RAB11FIP5: variants seen among roughly 807,000 people sequenced by gnomAD.
RAB11FIP5 encodes the protein rab11 family-interacting protein 5.
Under a neutral mutation model 85.1 loss-of-function variants are expected in RAB11FIP5, and 48 were observed. The observed-to-expected ratio is 0.56, with a 90% CI of 0.45 to 0.72. RAB11FIP5 has a LOEUF of 0.72. Ranked by LOEUF, RAB11FIP5 falls within the 30% of genes least tolerant of loss-of-function variation. RAB11FIP5 has a pLI of 0.00. For missense variants in RAB11FIP5, 1,491 were observed against 1,687.0 expected, an observed-to-expected ratio of 0.88 and a Z score of 2.04; for synonymous variants, 729 against 727.3, an observed-to-expected ratio of 1.00 and a Z score of -0.04.
chr2:73,089,912 CACA>C lies in RAB11FIP5; in HGVS notation c.432-600_432-598del, dbSNP rs1684176784. On this transcript the variant is annotated intron_variant, in intron 1 of 5. Coordinates refer to ENST00000486777, the MANE Select transcript of RAB11FIP5 (RefSeq NM_001371272.1). The surrounding 1 kb of genome is among the most constrained non-coding windows in gnomAD (Gnocchi z 4.6). ...ACACACACACACACACACACACACA[CACA>C]CCTCACTCACACACTGACTCACCCC... Among the ~76,000 whole-genome samples the C allele has an allele frequency of 1.4e-5, 2 of 142,722 alleles. No individual in the cohort carries two copies. The highest frequency in any genetic ancestry group is 1.5e-5 in the Non-Finnish European group (1 of 66,322). 93.6% of individuals were successfully genotyped at this position (142,722 alleles called of 152,430 possible).
intron 1 of RAB11FIP5, among the ~76,000 whole-genome samples, chr2:73,105,710 C>T (rs752702674): frequency 6.6e-6 from 1 of 151,724 alleles, no homozygotes; most frequent in Non-Finnish European, 1.5e-5. Flanking sequence ...CTACAGAGCA[C>T]CAGATTAACC....
chr2:73,101,920 C>G (rs1684437776), intron 1 of RAB11FIP5, among the ~76,000 whole-genome samples: 1 of 152,220 alleles, frequency 6.6e-6, no homozygotes, highest in Non-Finnish European at 1.5e-5. Flanking sequence ...TTGCCAGGAA[C>G]AAGAACGGAG....
In RAB11FIP5 at chr2:73,088,455, G is replaced by A; in HGVS notation, c.1163C>T (p.Pro388Leu). The A allele has an allele frequency of 6.2e-7, 1 of 1,613,886 alleles. No homozygotes were observed. Among genetic ancestry groups the A allele is most frequent in the South Asian group, 1.1e-5 (1 of 91,080 alleles). ...GCTGCTGTTGCTACGACTGCCTCTG[G>A]GCCAGGTGTCATCTGTGGAACGAGG... ...EGPRSTDDTW[P>L]RGSRSNSSSE... The change falls in exon 3 of 6, where the codon CCC becomes CTC. Residue 388 changes from proline (P) to leucine (L), a missense_variant. Around this residue, in one of 3 missense-constraint regions of RAB11FIP5, gnomAD observed 1,211 missense variants for 1,338.0 expected, o/e 0.91. Transcript: ENST00000486777.
rs764014080 is a variant in RAB11FIP5, at chr2:73,079,814, G to C, written c.3418C>G (p.Pro1140Ala). 41 of 1,232,260 alleles carry C rather than the reference G, an allele frequency of 3.3e-5. No homozygotes were observed. Among genetic ancestry groups the C allele is most frequent in the Admixed American group, 4.2e-5 (1 of 23,708 alleles). 76.3% of individuals were successfully genotyped at this position (1,232,260 alleles called of 1,614,324 possible). The change falls in exon 4 of 6, where the codon CCA (proline) becomes GCA (alanine). Residue 1140 changes from proline (P) to alanine (A), a missense_variant. By Grantham distance (27) the Pro-to-Ala change is conservative. Coordinates refer to ENST00000486777, the MANE Select transcript of RAB11FIP5 (RefSeq NM_001371272.1). The stretch of plus-strand genomic sequence containing the variant: ...GGGAGTAAGGCTGGCTCCCCTGGTG[G>C]TGCAGAGGAGGTAGTCAGGGGCCAG... Reference protein sequence around the residue: ...EAWPLTTSSAPPGEPALLPGP... With the variant: ...EAWPLTTSSAAPGEPALLPGP...
At chr2:73,110,359 C>T (rs565497207) in intron 1 of RAB11FIP5, among the ~76,000 whole-genome samples, 59 of 152,238 alleles carry the variant, frequency 3.9e-4, no homozygotes, top group Middle Eastern at 3.4e-3. Flanking sequence ...GGGACCACAG[C>T]GGGGGTGACA....
At chr2:73,107,640 C>T (rs866625910) in intron 1 of RAB11FIP5, among the ~76,000 whole-genome samples, 4 of 152,162 alleles carry the variant, frequency 2.6e-5, no homozygotes, top group African/African-American at 9.7e-5. Context: ...CTTCCTACCC[C>T]GCCCCACACC....
rs1046629133 is a variant in RAB11FIP5 at position 73,081,632 on chromosome 2, G to C, written c.1600C>G (p.Pro534Ala). The part of the protein sequence containing the change: ...LDVSPQVESD[P>A]AALPHHLPCS... ...GGGAGGTGGTGAGGAAGAGCAGCTGGGTCAGATTCTACCTGAGGAGACACG... is the reference window on the plus strand; with the variant it reads ...GGGAGGTGGTGAGGAAGAGCAGCTGCGTCAGATTCTACCTGAGGAGACACG... The change falls in exon 4 of 6, where the codon CCA becomes GCA. Residue 534 changes from proline to alanine, a missense_variant. Transcript: ENST00000486777. The surrounding 1 kb of genome is among the most constrained non-coding windows in gnomAD (Gnocchi z 4.2). 3.3e-6 allele frequency: 4 copies of C among 1,230,032 alleles called. No individual in the cohort carries two copies. The African/African-American group carries it at 4.7e-5, about 14-fold the overall frequency. The allele number at this position is 1,230,032 out of a possible 1,614,324, so 76.2% of individuals were successfully genotyped here.
chr2:73,086,116 G>A lies in RAB11FIP5; in HGVS notation c.1568+1934C>T, dbSNP rs1036120166. Among the ~76,000 whole-genome samples, 2 of 152,300 alleles carry A rather than the reference G, an allele frequency of 1.3e-5. No individual in the cohort carries two copies. The highest frequency in any genetic ancestry group is 2.1e-4 in the South Asian group (1 of 4,832). On this transcript the variant is annotated intron_variant, in intron 3 of 5. Transcript: ENST00000486777. This position sits in a 1 kb window ranked among gnomAD's most constrained non-coding sequence, Gnocchi z 4.4. Reference sequence around the variant, plus strand: ...ACAAGGCCAGGATGCTGCTGATTGAGCTCAAAGGCCAGGTGTCACATCTGT... The same window carrying A: ...ACAAGGCCAGGATGCTGCTGATTGAACTCAAAGGCCAGGTGTCACATCTGT...
chr2:73,095,082 A>T (rs1558521490), intron 1 of RAB11FIP5, among the ~76,000 whole-genome samples: 1 of 152,064 alleles, frequency 6.6e-6, no homozygotes, highest in Non-Finnish European at 1.5e-5. Context: ...TCACTGCAGG[A>T]ACTAAGCTGC....
rs369943260 is a variant in RAB11FIP5 at position 73,076,185 on chromosome 2, G to A, written c.3582-3C>T. 336 of 1,599,374 alleles carry A rather than the reference G, an allele frequency of 2.1e-4. No individual in the cohort carries two copies. The highest frequency in any genetic ancestry group is 2.8e-4 in the Non-Finnish European group (324 of 1,168,636). ...TGAGGGGCTTCACGGGGTGGGGACT[G>A]CAAAGACATACAAGAGATGGGTTAC... On this transcript the variant is annotated splice_region_variant and splice_polypyrimidine_tract_variant and intron_variant, in intron 4 of 5. Transcript: ENST00000486777.
chr2:73,101,947 T>C (rs1471770474), intron 1 of RAB11FIP5, among the ~76,000 whole-genome samples: 1 of 152,184 alleles, frequency 6.6e-6, no homozygotes, highest in Non-Finnish European at 1.5e-5. Flanking sequence ...TTGAAGAGCT[T>C]ATGCCTTGGT....
chr2:73,087,047 T>C (rs972194005), intron 3 of RAB11FIP5, among the ~76,000 whole-genome samples: 25 of 152,208 alleles, frequency 1.6e-4, no homozygotes, highest in African/African-American at 5.8e-4. Context: ...GTCCTTCCTC[T>C]GCCCTATCTT....
rs546239070 is a variant in RAB11FIP5 at position 73,091,602 on chromosome 2, A to G, written c.432-2287T>C. 4.6e-5 allele frequency among the ~76,000 whole-genome samples: 7 copies of G among 152,308 alleles called. No individual in the cohort carries two copies. The South Asian group carries it at 1.5e-3, about 32-fold the overall frequency. ...TGGGGTGTGGGGAGCCTTTGTATGA[A>G]AAGTCCCTATACATCCAAAGATCCA... On this transcript the variant is annotated intron_variant, in intron 1 of 5. Coordinates refer to ENST00000486777, the MANE Select transcript of RAB11FIP5 (RefSeq NM_001371272.1).
At chr2:73,111,096 G>A (rs1684647546) in intron 1 of RAB11FIP5, among the ~76,000 whole-genome samples, 1 of 152,066 alleles carries the variant, frequency 6.6e-6, no homozygotes, top group African/African-American at 2.4e-5. Flanking sequence ...AAGGCGGGGA[G>A]CAGGCCAGGG....
At chr2:73,105,584 T>C (rs1684508965) in intron 1 of RAB11FIP5, among the ~76,000 whole-genome samples, 1 of 151,858 alleles carries the variant, frequency 6.6e-6, no homozygotes, top group Non-Finnish European at 1.5e-5. Context: ...AGTGACTCCC[T>C]CCCAAAGTAT....
chr2:73,083,707 G>C (rs1684043069), intron 3 of RAB11FIP5, among the ~76,000 whole-genome samples: 1 of 152,182 alleles, frequency 6.6e-6, no homozygotes, highest in African/African-American at 2.4e-5. Context: ...CATGCCTGCT[G>C]TGGGGACCAA....
rs1683924688 is a variant in RAB11FIP5 at position 73,079,488 on chromosome 2, C to G, written c.3581+163G>C. On this transcript the variant is annotated intron_variant, in intron 4 of 5. Coordinates refer to ENST00000486777, the MANE Select transcript of RAB11FIP5 (RefSeq NM_001371272.1). ...GCTTCAGAGGTGGTACCATAGAAAG[C>G]TCCTGTCTTCAAAGCCTGTACCGTC... 3.9e-5 allele frequency among the ~76,000 whole-genome samples: 6 copies of G among 152,198 alleles called. 1 individual carries two copies. The highest frequency in any genetic ancestry group is 1.5e-5 in the Non-Finnish European group (1 of 68,036).
chr2:73,096,122 C>T (rs532568126), intron 1 of RAB11FIP5, among the ~76,000 whole-genome samples: 4 of 152,172 alleles, frequency 2.6e-5, no homozygotes, highest in Admixed American at 6.5e-5. Context: ...GGGTCTCGGC[C>T]CTCAGCCTCC....
chr2:73,095,032 G>C (rs920070252), intron 1 of RAB11FIP5, among the ~76,000 whole-genome samples: 1 of 151,952 alleles, frequency 6.6e-6, no homozygotes, highest in Non-Finnish European at 1.5e-5. Flanking sequence ...CTCAGAGTCC[G>C]GGCTGCCTGC....
Sources: gnomAD v4.1 joint callset for allele counts (sites outside exome capture counted in the v4.1 genomes callset) on GRCh38, gnomAD v4.1.1 for gene constraint, gnomAD v4.1.1 regional missense constraint, Gnocchi (gnomAD v3.1) non-coding constraint, MANE v1.5 for transcripts, NCBI Gene and HGNC (gene_info 2026-07-23, HGNC 2026-07-21) for gene names.